The following SVEP1 variants were observed in gnomAD, a reference collection of about 807,000 sequenced individuals.
SVEP1 encodes sushi, von Willebrand factor type A, EGF and pentraxin domain-containing protein 1.
Under a neutral mutation model 367.3 loss-of-function variants are expected in SVEP1, and 164 were observed. That is an observed-to-expected ratio of 0.45 (90% CI 0.39 to 0.51). The LOEUF is 0.51. Among genes scored for constraint, SVEP1 ranks in the 20% least tolerant of loss-of-function variants. The pLI is 0.00. For missense variants in SVEP1, 4,117 were observed against 4,425.3 expected, an observed-to-expected ratio of 0.93 and a Z score of 1.98; for synonymous variants, 1,666 against 1,611.6, an observed-to-expected ratio of 1.03 and a Z score of -0.81.
At position 110,571,086 on chromosome 9, in the gene SVEP1, C is replaced by T. The variant is rs569785646; in HGVS notation, c.531+7927G>A. On this transcript the variant is annotated intron_variant, in intron 1 of 47. Transcript: ENST00000374469. ...CGGCCTCCCAGGTTCAAGCGATTTT[C>T]CTGCCTCAGCCTGCTGAGTAGCTGG... Among the ~76,000 whole-genome samples the T allele has an allele frequency of 4.0e-5, 6 of 148,754 alleles. No individual in the cohort carries two copies. The South Asian group carries it at 1.3e-3, about 32-fold the overall frequency.
At chr9:110,525,947 C>A (rs919706311) in intron 3 of SVEP1, among the ~76,000 whole-genome samples, 1 of 152,054 alleles carries the variant, frequency 6.6e-6, no homozygotes, top group Non-Finnish European at 1.5e-5. Flanking sequence ...GGAAAGATAG[C>A]CTTTTCAAGA....
chr9:110,535,500 G>T (rs1325801559), intron 3 of SVEP1, among the ~76,000 whole-genome samples: 6 of 151,982 alleles, frequency 3.9e-5, no homozygotes, highest in African/African-American at 1.5e-4. Context: ...GGCTATTCTG[G>T]GTCTTTTTTG....
At chr9:110,539,392 G>A (rs1391751022) in intron 3 of SVEP1, among the ~76,000 whole-genome samples, 2 of 152,094 alleles carry the variant, frequency 1.3e-5, no homozygotes, top group Non-Finnish European at 2.9e-5. Flanking sequence ...ACCATGTGAA[G>A]GTGCCTGAAC....
chr9:110,471,711 G>T, intron 15 of SVEP1, 114 bp from the exon 16 acceptor site: 1 of 729,584 alleles, frequency 1.4e-6, no homozygotes, highest in Non-Finnish European at 2.2e-6. Context: ...CTAATAAGTG[G>T]TCTATAGAAA....
intron 39 of SVEP1, among the ~76,000 whole-genome samples, chr9:110,402,089 A>G (rs1005519574): frequency 2.6e-5 from 4 of 152,090 alleles, no homozygotes; most frequent in Non-Finnish European, 5.9e-5. Flanking sequence ...AACACCAGTA[A>G]CTGTTAAAAG....
At chr9:110,486,733 C>T (rs1466638624) in intron 9 of SVEP1, among the ~76,000 whole-genome samples, 5 of 150,638 alleles carry the variant, frequency 3.3e-5, no homozygotes, top group Non-Finnish European at 7.4e-5. Context: ...CTGCAACCTC[C>T]GTCTCCCGGA....
intron 1 of SVEP1, among the ~76,000 whole-genome samples, chr9:110,569,286 G>A (rs572441363): frequency 2.0e-5 from 3 of 151,934 alleles, no homozygotes; most frequent in South Asian, 4.2e-4. Flanking sequence ...GAGAAACCCC[G>A]TCTCTACTAA....
rs368929962 is a variant in SVEP1 at position 110,471,412 on chromosome 9, C to T, written c.2950G>A (p.Ala984Thr). 1 of 1,613,940 alleles carries T rather than the reference C, an allele frequency of 6.2e-7. No individual in the cohort carries two copies. Among genetic ancestry groups the T allele is most frequent in the Non-Finnish European group, 8.5e-7 (1 of 1,179,878 alleles). ...ADSNSLETKK[A>T]SPFCRPGSVL... ...GAGCCTGGTCTGCAGAAGGGGGAAG[C>T]CTTTTTTGTTTCTAATGAATTGCTG... Residue 984 changes from alanine to threonine, a missense_variant, in exon 16 of 48, where the codon GCT (alanine) becomes ACT (threonine). Physicochemically the swap from Ala to Thr is moderately conservative, Grantham distance 58. Around this residue, in one of 4 missense-constraint regions of SVEP1, gnomAD observed 2,174 missense variants for 2,494.3 expected, o/e 0.87. Transcript: ENST00000374469.
At chr9:110,498,266 G>T (rs1418996760) in intron 7 of SVEP1, among the ~76,000 whole-genome samples, 1 of 152,116 alleles carries the variant, frequency 6.6e-6, no homozygotes, top group Non-Finnish European at 1.5e-5. Context: ...AGTTATTTGT[G>T]GTCTAAAGGA....
chr9:110,379,214 C>A, intron 44 of SVEP1, 133 bp downstream of exon 44: 2 of 987,680 alleles, frequency 2.0e-6, no homozygotes. Context: ...AAGAAAATTA[C>A]ACAGCTGCTA....
chr9:110,397,912 G>A (rs1588033084), intron 40 of SVEP1, among the ~76,000 whole-genome samples: 1 of 151,658 alleles, frequency 6.6e-6, no homozygotes, highest in Non-Finnish European at 1.5e-5. Context: ...AAATGGCCAT[G>A]CTGCCCAAGG....
chr9:110,458,562 C>T lies in SVEP1; in HGVS notation c.3485G>A (p.Ser1162Asn). Reference protein sequence around the residue: ...AGSRSITECSSFSSTFSAAEE... With the variant: ...AGSRSITECSNFSSTFSAAEE... ...TGCCGCTGAGAAAGTTGAACTAAAA[C>T]CTAATCAATTAATAGAAAAACATGT... The change falls in exon 20 of 48, where the codon AGT (serine) becomes AAT (asparagine). Residue 1162 changes from serine (S) to asparagine (N), a missense_variant and splice_region_variant. By Grantham distance (46) the Ser-to-Asn change is conservative. This residue lies in a region of SVEP1 where 2,174 missense variants were observed against 2,494.3 expected (regional missense o/e 0.87). Transcript: ENST00000374469. 6.2e-7 allele frequency: 1 copy of T among 1,608,178 alleles called. No homozygotes were observed. The highest frequency in any genetic ancestry group is 8.5e-7 in the Non-Finnish European group (1 of 1,177,244).
At chr9:110,479,961 T>G (rs1171345081) in intron 12 of SVEP1, among the ~76,000 whole-genome samples, 1 of 152,196 alleles carries the variant, frequency 6.6e-6, no homozygotes, top group Non-Finnish European at 1.5e-5. Flanking sequence ...GACTCAGTTA[T>G]CCAGTGAAGA....
intron 6 of SVEP1, among the ~76,000 whole-genome samples, chr9:110,500,499 C>T (rs1395770927): frequency 6.6e-6 from 1 of 151,998 alleles, no homozygotes; most frequent in African/African-American, 2.4e-5. Flanking sequence ...TATTCCTTTG[C>T]TTTTATGCTT....
At position 110,557,817 on chromosome 9, in the gene SVEP1, T is replaced by C. The variant is rs575422456; in HGVS notation, c.532-7713A>G. Among the ~76,000 whole-genome samples the C allele has an allele frequency of 2.2e-4, 33 of 152,226 alleles. No homozygotes were observed. In the East Asian group the frequency reaches 6.0e-3, roughly 28 times the overall value. On this transcript the variant is annotated intron_variant, in intron 1 of 47. Transcript: ENST00000374469. ...AAATGATCAGTGAAGAGGTTAACCC[T>C]CTTATTTGTAACAAATAAGCCACAG...
chr9:110,507,848 A>T (rs907196800), intron 5 of SVEP1, among the ~76,000 whole-genome samples: 1 of 152,164 alleles, frequency 6.6e-6, no homozygotes, highest in Non-Finnish European at 1.5e-5. Flanking sequence ...GGCTTCAACA[A>T]ACTGCCAAGA....
At position 110,400,198 on chromosome 9, in the gene SVEP1, T is replaced by A. The variant is rs1452828944; in HGVS notation, c.9822+656A>T. On this transcript the variant is annotated intron_variant, in intron 40 of 47. Transcript: ENST00000374469. ...GCTTTGCATACCTAAATCCTTGTGG[T>A]TACCTCTCCATGGTGACCGGTGGAC... Among the ~76,000 whole-genome samples the A allele has an allele frequency of 2.0e-5, 3 of 152,200 alleles. No homozygotes were observed. In the East Asian group the frequency reaches 5.8e-4, roughly 29 times the overall value.
chr9:110,523,010 C>T (rs1468255514), intron 3 of SVEP1, among the ~76,000 whole-genome samples: 1 of 152,142 alleles, frequency 6.6e-6, no homozygotes, highest in Non-Finnish European at 1.5e-5. Context: ...TGTTATACTG[C>T]TTTTATCATG....
At chr9:110,384,683 G>T (rs553381261) in intron 43 of SVEP1, among the ~76,000 whole-genome samples, 1 of 151,556 alleles carries the variant, frequency 6.6e-6, no homozygotes, top group African/African-American at 2.4e-5. Flanking sequence ...CTCAGACTCA[G>T]AGAAGTAAGG....
Sources: gnomAD v4.1 joint callset for allele counts (sites outside exome capture counted in the v4.1 genomes callset) on GRCh38, gnomAD v4.1.1 for gene constraint, gnomAD v4.1.1 regional missense constraint, MANE v1.5 for transcripts, NCBI Gene and HGNC (gene_info 2026-07-23, HGNC 2026-07-21) for gene names.